The following IL36A variants were observed in gnomAD, a reference collection of about 807,000 sequenced individuals.
IL36A encodes the protein interleukin-36 alpha.
A neutral mutation model predicts 12.7 loss-of-function variants in IL36A; 13 were observed. The observed-to-expected ratio is 1.02, with a 90% CI of 0.67 to 1.63. The LOEUF is 1.63. IL36A is among the 40% of genes most tolerant of loss of function. The probability of loss-of-function intolerance (pLI) is 0.00; values close to 1 mark genes in which losing one functional copy is unlikely to be tolerated. For missense variants in IL36A, 195 were observed against 192.9 expected (o/e 1.01, Z -0.07); for synonymous variants, 73 against 71.9 (o/e 1.01, Z -0.08).
At position 113,007,885 on chromosome 2, in the gene IL36A, C is replaced by G. The variant is rs1187865502; in HGVS notation, c.318C>G (p.Leu106=). 6 of 1,614,196 alleles carry G rather than the reference C, an allele frequency of 3.7e-6. No homozygotes were observed. The highest frequency in any genetic ancestry group is 5.1e-6 in the Non-Finnish European group (6 of 1,180,036). The change falls in exon 4 of 4, where the codon CTC becomes CTG. Residue 106 remains leucine, a synonymous_variant. Transcript: ENST00000259211. ...AACCCGAGCCTGTGAAGTCCTTTCTCTTCTACCACAGCCAGAGTGGCAGGA... is the reference window on the plus strand; with the variant it reads ...AACCCGAGCCTGTGAAGTCCTTTCTGTTCTACCACAGCCAGAGTGGCAGGA... ...YNQPEPVKSF[L]FYHSQSGRNS... is the part of the protein sequence containing the mutation.
rs1025475176 is a variant in IL36A, at chr2:113,005,942, C to G, written c.11-32C>G. 6.2e-6 allele frequency: 10 copies of G among 1,611,808 alleles called. No homozygotes were observed. The East Asian group carries it at 2.2e-4, about 36-fold the overall frequency. ...GGGGGTGATATTCTGTGCTCTCATT[C>G]TTACTAATTTACATTTTGACTTTCT... On this transcript the variant is annotated intron_variant, in intron 1 of 3. Transcript: ENST00000259211.
At position 113,005,582 on chromosome 2, in the gene IL36A, G is replaced by A. The variant is rs935533560; in HGVS notation, c.-290G>A. ...GACCTCTGATTTTTTTTGCTTCCAG[G>A]TCTTTGGCCTTGGCACTCTTTGTCA... On this transcript the variant is annotated 5_prime_UTR_variant, in exon 1 of 4. Coordinates refer to ENST00000259211, the MANE Select transcript of IL36A (RefSeq NM_014440.3). 1.9e-6 allele frequency: 1 copy of A among 536,954 alleles called. No individual in the cohort carries two copies. Among genetic ancestry groups the A allele is most frequent in the Non-Finnish European group, 3.3e-6 (1 of 299,010 alleles). 33.3% of individuals were successfully genotyped at this position (536,954 alleles called of 1,614,324 possible). A position where few individuals can be genotyped will look rare whatever the true frequency, so the allele number is the denominator to read the frequency against.
Position 113,005,705 on chromosome 2 carries a change from G to A in IL36A, c.-167G>A. On this transcript the variant is annotated 5_prime_UTR_variant, in exon 1 of 4. Coordinates refer to ENST00000259211, the MANE Select transcript of IL36A (RefSeq NM_014440.3). ...CCAACAAAGTAAGGGTGCTGGGTGA[G>A]TTCTGGGAGTATAGATTCTGACTGG... The A allele has an allele frequency of 1.4e-6, 1 of 729,180 alleles. No individual in the cohort carries two copies. Among genetic ancestry groups the A allele is most frequent in the Non-Finnish European group, 2.5e-6 (1 of 407,254 alleles). 45.2% of individuals were successfully genotyped at this position (729,180 alleles called of 1,614,324 possible).
chr2:113,010,536 T>A (rs1684711693), downstream of IL36A, among the ~76,000 whole-genome samples: 1 of 152,196 alleles, frequency 6.6e-6, no homozygotes, highest in Non-Finnish European at 1.5e-5. Flanking sequence ...TTGGATCTCC[T>A]AAACTCAGGG....
downstream of IL36A, among the ~76,000 whole-genome samples, chr2:113,009,133 C>T (rs913696317): frequency 6.6e-6 from 1 of 151,680 alleles, no homozygotes; most frequent in African/African-American, 2.4e-5. Flanking sequence ...ATCCATGTCC[C>T]TACAAAGGAC....
At chr2:113,008,240 T>C (rs1400861278), downstream of IL36A, among the ~76,000 whole-genome samples, 2 of 152,150 alleles carry the variant, frequency 1.3e-5, no homozygotes, top group Non-Finnish European at 2.9e-5. Flanking sequence ...TCCAGGGAAA[T>C]TGAGGGCCTT....
In IL36A at chr2:113,005,912, G is replaced by T. The variant is rs1684606010; in HGVS notation, c.10+31G>T. ...GATCCTCGTGGAAGGGCGAAAAATT[G>T]ACAAGGGGGTGATATTCTGTGCTCT... On this transcript the variant is annotated intron_variant, in intron 1 of 3. Coordinates refer to ENST00000259211, the MANE Select transcript of IL36A (RefSeq NM_014440.3). 9 of 1,613,896 alleles carry T rather than the reference G, an allele frequency of 5.6e-6. No homozygotes were observed. The East Asian group carries it at 2.0e-4, about 36-fold the overall frequency.
At position 113,006,674 on chromosome 2, in the gene IL36A, G is replaced by A. The variant is rs764067317; in HGVS notation, c.201G>A (p.Leu67=). The change falls in exon 3 of 4, where the codon CTG becomes CTA. Residue 67 remains leucine (L), a synonymous_variant. Transcript: ENST00000259211. ...GAGGGAACCCCATCTACCTGGGCCTGAATGGACTCAATCTCTGCCTGATGT... is the reference window on the plus strand; with the variant it reads ...GAGGGAACCCCATCTACCTGGGCCTAAATGGACTCAATCTCTGCCTGATGT... ...KDRGNPIYLG[L]NGLNLCLMCA... is the part of the protein sequence containing the mutation. 5.0e-6 allele frequency: 8 copies of A among 1,614,172 alleles called. No individual in the cohort carries two copies. The highest frequency in any genetic ancestry group is 6.8e-6 in the Non-Finnish European group (8 of 1,180,032).
chr2:113,008,425 A>T (rs533883019), downstream of IL36A: 1,405 of 161,498 alleles, frequency 8.7e-3, 29 homozygotes, highest in African/African-American at 0.037. Context: ...CAGTGGCGCG[A>T]TCTCGGCTCA....
At chr2:113,008,817 TA>T (rs781225712), downstream of IL36A, among the ~76,000 whole-genome samples, 494 of 124,636 alleles carry the variant, frequency 4.0e-3, 3 homozygotes, top group Middle Eastern at 0.02. Context: ...TTTTTTTTTT[TA>T]AAAATTTTAT....
Position 113,006,466 on chromosome 2 carries a change from G to A in IL36A, c.125-132G>A, listed in dbSNP as rs553962081. The A allele has an allele frequency of 1.5e-5, 14 of 908,724 alleles. No homozygotes were observed. The African/African-American group carries it at 2.0e-4, about 13-fold the overall frequency. The allele number at this position is 908,724 out of a possible 1,614,324, so 56.3% of individuals were successfully genotyped here. On this transcript the variant is annotated intron_variant, in intron 2 of 3. Coordinates refer to ENST00000259211, the MANE Select transcript of IL36A (RefSeq NM_014440.3). ...AACATAGGATGGGTGTCCCGGTTAG[G>A]TGGTGGGTGGTGAGGTGACCATTCT...
chr2:113,010,476 A>G (rs1489960554), downstream of IL36A, among the ~76,000 whole-genome samples: 1 of 152,180 alleles, frequency 6.6e-6, no homozygotes, highest in Non-Finnish European at 1.5e-5. Flanking sequence ...GCACGAGGTT[A>G]ATGGACCTAA....
At position 113,006,698 on chromosome 2, in the gene IL36A, G is replaced by A; in HGVS notation, c.225G>A (p.Met75Ile). ...TGAATGGACTCAATCTCTGCCTGAT[G>A]TGTGCTAAAGTCGGGGACCAGCCCA... ...LGLNGLNLCL[M>I]CAKVGDQPTL... The change falls in exon 3 of 4, where the codon ATG becomes ATA. Residue 75 changes from methionine (M) to isoleucine (I), a missense_variant. Met to Ile is a conservative substitution (Grantham distance 10, BLOSUM62 1). Transcript: ENST00000259211. The A allele has an allele frequency of 1.2e-6, 2 of 1,614,174 alleles. No individual in the cohort carries two copies. The highest frequency in any genetic ancestry group is 8.5e-7 in the Non-Finnish European group (1 of 1,180,030).
chr2:113,009,128 T>C (rs1684690909), downstream of IL36A, among the ~76,000 whole-genome samples: 1 of 151,872 alleles, frequency 6.6e-6, no homozygotes, highest in African/African-American at 2.4e-5. Context: ...GCTTCATCCA[T>C]GTCCCTACAA....
chr2:113,006,934 T>C (rs1190472770), intron 3 of IL36A, among the ~76,000 whole-genome samples, 197 bp downstream of exon 3: 1 of 152,226 alleles, frequency 6.6e-6, no homozygotes, highest in Non-Finnish European at 1.5e-5. Context: ...TATTTTAATT[T>C]ACAAAAATAT....
chr2:113,007,190 T>C (rs1038648370), intron 3 of IL36A, among the ~76,000 whole-genome samples: 4 of 152,218 alleles, frequency 2.6e-5, no homozygotes, highest in African/African-American at 4.8e-5. Context: ...ACAGGAACTC[T>C]CTTGACCCTT....
downstream of IL36A, chr2:113,008,614 C>A: frequency 4.9e-6 from 1 of 202,548 alleles, no homozygotes; most frequent in South Asian, 7.6e-5. Context: ...TCTGGATTTT[C>A]AGATAGATTC....
chr2:113,007,553 A>T (rs1684646698), intron 3 of IL36A, among the ~76,000 whole-genome samples: 1 of 152,250 alleles, frequency 6.6e-6, no homozygotes, highest in African/African-American at 2.4e-5. Flanking sequence ...ACAACAAATA[A>T]TGGCCCAATC....
downstream of IL36A, among the ~76,000 whole-genome samples, chr2:113,010,501 A>ATGTAT (rs1684710917): frequency 6.6e-6 from 1 of 152,184 alleles, no homozygotes; most frequent in African/African-American, 2.4e-5. Flanking sequence ...AGATGTATGG[A>ATGTAT]CCAGCTGTTG....
Sources: allele counts gnomAD v4.1 joint callset (sites outside exome capture counted in the v4.1 genomes callset), GRCh38; gene constraint gnomAD v4.1.1; transcripts MANE v1.5; gene names NCBI Gene and HGNC (gene_info 2026-07-23, HGNC 2026-07-21).